Variants in NLN observed in about 807,000 individuals in gnomAD.
NLN encodes the protein neurolysin.
A neutral mutation model predicts 79.9 loss-of-function variants in NLN; 64 were observed. The observed-to-expected ratio is 0.80, with a 90% CI of 0.65 to 0.99. The LOEUF (loss-of-function observed/expected upper bound fraction) is 0.99, where lower values mean the gene tolerates loss of function less well. Among genes scored for constraint, NLN ranks in the 50% least tolerant of loss-of-function variants. The probability of loss-of-function intolerance (pLI) is 0.00; values close to 1 mark genes in which losing one functional copy is unlikely to be tolerated. For synonymous variants in NLN, 267 were observed against 296.6 expected (o/e 0.90, Z 1.02); for missense variants, 835 against 858.7 (o/e 0.97, Z 0.34).
chr5:65,810,678 A>G (rs1487289328), intron 11 of NLN, among the ~76,000 whole-genome samples: 2 of 152,148 alleles, frequency 1.3e-5, no homozygotes, highest in Admixed American at 6.5e-5. Flanking sequence ...CTGTTATGCT[A>G]TCAAGAAGGA....
chr5:65,722,476 G>T, intron 1 of NLN, 62 bp downstream of exon 1: 2 of 1,445,164 alleles, frequency 1.4e-6, no homozygotes, highest in Non-Finnish European at 1.9e-6. Flanking sequence ...GCCGTGTGGT[G>T]CCTGGAGCCC....
chr5:65,750,082 G>A (rs1270571597), intron 1 of NLN, among the ~76,000 whole-genome samples: 1 of 152,180 alleles, frequency 6.6e-6, no homozygotes, highest in Non-Finnish European at 1.5e-5. Flanking sequence ...AAAGGAGAAA[G>A]GGTACCCAAG....
Position 65,824,562 on chromosome 5 carries a change from A to G in NLN, c.*1647A>G, listed in dbSNP as rs1313728811. On this transcript the variant is annotated 3_prime_UTR_variant, in exon 13 of 13. Coordinates refer to ENST00000380985, the MANE Select transcript of NLN (RefSeq NM_020726.5). The stretch of plus-strand genomic sequence containing the variant: ...CTGTTTTTCAGTTTCAGACAAAAAA[A>G]CTCTTCAGCTTTTTCCAGTGTGTCT... 1 of 152,036 alleles carries G rather than the reference A, an allele frequency of 6.6e-6. No individual in the cohort carries two copies. The highest frequency in any genetic ancestry group is 1.5e-5 in the Non-Finnish European group (1 of 67,998). The allele number at this position is 152,036 out of a possible 1,614,324, so 9.4% of individuals were successfully genotyped here.
In NLN at chr5:65,788,232, C is replaced by T; in HGVS notation, c.1073C>T (p.Ala358Val). The T allele has an allele frequency of 6.2e-7, 1 of 1,614,064 alleles. No individual in the cohort carries two copies. Among genetic ancestry groups the T allele is most frequent in the Non-Finnish European group, 8.5e-7 (1 of 1,179,974 alleles). The change falls in exon 8 of 13, where the codon GCC becomes GTC. Residue 358 changes from alanine to valine, a missense_variant. Coordinates refer to ENST00000380985, the MANE Select transcript of NLN (RefSeq NM_020726.5). ...TTTGAATATGATGGGAAAATCAATG[C>T]CTGGGATCTATATTACTACATGACT... ...RGFEYDGKIN[A>V]WDLYYYMTQT...
At chr5:65,731,773 CAG>C (rs1758617222) in intron 1 of NLN, among the ~76,000 whole-genome samples, 1 of 97,940 alleles carries the variant, frequency 1.0e-5, no homozygotes, top group East Asian at 3.4e-4. Flanking sequence ...TTTTTTCAGA[CAG>C]AGTCTAGCTC....
intron 9 of NLN, among the ~76,000 whole-genome samples, chr5:65,802,411 C>G (rs945966072): frequency 6.6e-6 from 1 of 152,232 alleles, no homozygotes. Context: ...CTGGGGAACA[C>G]AGTGGCACCC....
chr5:65,792,565 A>G lies in NLN; in HGVS notation c.1437A>G (p.Pro479=). 3 of 1,614,074 alleles carry G rather than the reference A, an allele frequency of 1.9e-6. No individual in the cohort carries two copies. The highest frequency in any genetic ancestry group is 2.5e-6 in the Non-Finnish European group (3 of 1,179,912). The part of the protein sequence containing the change: ...VAALVVNFSQ[P]VAGRPSLLRH... The stretch of plus-strand genomic sequence containing the variant: ...CCCTCGTGGTGAACTTCTCACAGCC[A>G]GTGGCAGGTCGTCCCTCTCTCCTGA... The change falls in exon 9 of 13, where the codon CCA becomes CCG. Residue 479 remains proline, a synonymous_variant. Coordinates refer to ENST00000380985, the MANE Select transcript of NLN (RefSeq NM_020726.5).
chr5:65,753,449 G>T (rs970949288), intron 1 of NLN, among the ~76,000 whole-genome samples: 2 of 152,112 alleles, frequency 1.3e-5, no homozygotes, highest in South Asian at 2.1e-4. Context: ...AGTAGTTTGA[G>T]ACCAGCCTGG....
intron 1 of NLN, among the ~76,000 whole-genome samples, chr5:65,736,998 G>A (rs562330100): frequency 1.1e-4 from 17 of 152,124 alleles, no homozygotes; most frequent in East Asian, 1.9e-4. Flanking sequence ...CCAGCTACTC[G>A]GAAGGCTAAG....
At chr5:65,822,722 A>C in intron 12 of NLN, 59 bp from the exon 13 acceptor site, 15 of 1,351,588 alleles carry the variant, frequency 1.1e-5, no homozygotes, top group Non-Finnish European at 1.6e-5. Context: ...TTTTGCATCT[A>C]GAGATTTGGA....
chr5:65,806,522 C>T (rs1760416181), intron 9 of NLN, among the ~76,000 whole-genome samples: 1 of 152,158 alleles, frequency 6.6e-6, no homozygotes, highest in African/African-American at 2.4e-5. Flanking sequence ...AACAGCAGGA[C>T]AACTAAAATT....
At chr5:65,816,705 G>A (rs186694583) in intron 12 of NLN, among the ~76,000 whole-genome samples, 1 of 152,224 alleles carries the variant, frequency 6.6e-6, no homozygotes, top group East Asian at 1.9e-4. Context: ...TCAGTGAGTG[G>A]TGGCTTCAGA....
intron 6 of NLN, among the ~76,000 whole-genome samples, chr5:65,785,511 TAA>T (rs1446078080): frequency 1.3e-5 from 2 of 151,870 alleles, no homozygotes; most frequent in African/African-American, 4.8e-5. Flanking sequence ...ATTTTCACTC[TAA>T]GTTTGTAGCA....
At chr5:65,766,023 T>C (rs1028032002) in intron 3 of NLN, among the ~76,000 whole-genome samples, 10 of 152,354 alleles carry the variant, frequency 6.6e-5, no homozygotes, top group Middle Eastern at 3.4e-3. Context: ...CAAACCTTAG[T>C]GGCCTGAAAT....
chr5:65,738,486 T>C (rs1758784085), intron 1 of NLN, among the ~76,000 whole-genome samples: 2 of 151,274 alleles, frequency 1.3e-5, no homozygotes, highest in Admixed American at 6.6e-5. Context: ...GGTGAGAGGA[T>C]AGCTTGAGCC....
chr5:65,722,468 C>A, intron 1 of NLN, 54 bp downstream of exon 1: 1 of 1,488,644 alleles, frequency 6.7e-7, no homozygotes, highest in Non-Finnish European at 9.1e-7. Flanking sequence ...GGTCTTTCGC[C>A]GTGTGGTGCC....
At position 65,823,134 on chromosome 5, in the gene NLN, A is replaced by G; in HGVS notation, c.*219A>G. 1 of 426,676 alleles carries G rather than the reference A, an allele frequency of 2.3e-6. No homozygotes were observed. Among genetic ancestry groups the G allele is most frequent in the Non-Finnish European group, 4.1e-6 (1 of 241,622 alleles). 26.4% of individuals were successfully genotyped at this position (426,676 alleles called of 1,614,324 possible). ...GAAAGTAATTGTACTATAAAATTTC[A>G]TAAAACTGGATTTGATTTCTTTTTA... On this transcript the variant is annotated 3_prime_UTR_variant, in exon 13 of 13. Coordinates refer to ENST00000380985, the MANE Select transcript of NLN (RefSeq NM_020726.5).
In NLN at chr5:65,777,464, G is replaced by C. The variant is rs1321756507; in HGVS notation, c.488G>C (p.Arg163Thr). 17 of 1,613,584 alleles carry C rather than the reference G, an allele frequency of 1.1e-5. No homozygotes were observed. Among genetic ancestry groups the C allele is most frequent in the Non-Finnish European group, 1.4e-5 (17 of 1,179,584 alleles). The part of the protein sequence containing the change: ...CDLGKIKPEA[R>T]RYLEKSIKMG... ...CTGGGGAAGATAAAACCTGAGGCCA[G>C]ACGATACTTGGAAAAGTCAATTAAA... The change falls in exon 4 of 13, where the codon AGA becomes ACA. Residue 163 changes from arginine to threonine, a missense_variant. Coordinates refer to ENST00000380985, the MANE Select transcript of NLN (RefSeq NM_020726.5).
chr5:65,774,055 G>GGT (rs562497229), intron 3 of NLN, among the ~76,000 whole-genome samples: 2 of 140,352 alleles, frequency 1.4e-5, no homozygotes, highest in African/African-American at 5.3e-5. Context: ...AGAATTCAAA[G>GGT]TTTTTTTTTT....
Sources: allele counts gnomAD v4.1 joint callset (sites outside exome capture counted in the v4.1 genomes callset), GRCh38; gene constraint gnomAD v4.1.1; transcripts MANE v1.5; gene names NCBI Gene and HGNC (gene_info 2026-07-23, HGNC 2026-07-21).